Variants in NDE1 observed in about 807,000 individuals in gnomAD.
The protein encoded by NDE1 is nudE neurodevelopment protein 1.
A neutral mutation model predicts 43.4 loss-of-function variants in NDE1; 28 were observed. That is an observed-to-expected ratio of 0.65 (90% confidence interval 0.48 to 0.89). The LOEUF (loss-of-function observed/expected upper bound fraction) is 0.89. NDE1 is among the 40% of genes least tolerant of loss of function. NDE1 has a pLI of 0.00. For synonymous variants in NDE1, 184 were observed against 172.0 expected (o/e 1.07, Z -0.55); for missense variants, 441 against 434.1 (o/e 1.02, Z -0.14).
intron 8 of NDE1, chr16:15,703,872 G>T: frequency 7.4e-7 from 1 of 1,352,180 alleles, no homozygotes; most frequent in Non-Finnish European, 1.1e-6. Context: ...AATGGATTTA[G>T]ACAATGCTAA....
chr16:15,722,079 A>C (rs529342145), intron 8 of NDE1, among the ~76,000 whole-genome samples: 1 of 152,084 alleles, frequency 6.6e-6, no homozygotes, highest in African/African-American at 2.4e-5. Flanking sequence ...GCTGGTCTCG[A>C]ACTCCTGACC....
chr16:15,669,799 T>C (rs2037501670), intron 3 of NDE1, among the ~76,000 whole-genome samples: 1 of 152,196 alleles, frequency 6.6e-6, no homozygotes, highest in Admixed American at 6.5e-5. Context: ...CTGACCACAC[T>C]GTGGGATGTT....
intron 8 of NDE1, among the ~76,000 whole-genome samples, chr16:15,709,878 C>T (rs533201999): frequency 1.3e-5 from 2 of 152,182 alleles, no homozygotes; most frequent in Admixed American, 6.5e-5. Flanking sequence ...CAGCTCTTGC[C>T]GGAGGTAACT....
rs760386093 is a variant in NDE1 at position 15,667,448 on chromosome 16, C to A, written c.237+9C>A. The A allele has an allele frequency of 4.3e-6, 7 of 1,613,374 alleles. No individual in the cohort carries two copies. In the East Asian group the frequency reaches 1.3e-4, roughly 31 times the overall value. Reference sequence around the variant, plus strand: ...AGCTGGAAACCATCAAGGTGAGGGGCTGAGAGGAAGTGTGCTCAGGTGTAG... The same window carrying A: ...AGCTGGAAACCATCAAGGTGAGGGGATGAGAGGAAGTGTGCTCAGGTGTAG... On this transcript the variant is annotated intron_variant, in intron 3 of 8. Coordinates refer to ENST00000396354, the MANE Select transcript of NDE1 (RefSeq NM_017668.3).
intron 8 of NDE1, chr16:15,714,027 C>A (rs79551287): frequency 6.6e-6 from 1 of 152,248 alleles, no homozygotes; most frequent in African/African-American, 2.4e-5. Flanking sequence ...CTGGTTGGCC[C>A]GGTAGAAGCA....
At chr16:15,654,421 G>A (rs937929105) in intron 1 of NDE1, among the ~76,000 whole-genome samples, 13 of 151,608 alleles carry the variant, frequency 8.6e-5, no homozygotes, top group African/African-American at 1.9e-4. Flanking sequence ...CCAACGTGGC[G>A]AAACCCCGTC....
Position 15,667,395 on chromosome 16 carries a change from C to G in NDE1, c.193C>G (p.Leu65Val). The G allele has an allele frequency of 6.2e-7, 1 of 1,613,968 alleles. No homozygotes were observed. The highest frequency in any genetic ancestry group is 8.5e-7 in the Non-Finnish European group (1 of 1,179,918). ...AATTGAAACCAGGAACAGAGACCTC[C>G]TGTCCGAAAATAACCGCCTTCGCAT... The part of the protein sequence containing the change: ...QQIETRNRDL[L>V]SENNRLRMEL... The change falls in exon 3 of 9, where the codon CTG (leucine) becomes GTG (valine). Residue 65 changes from leucine (L) to valine (V), a missense_variant. Coordinates refer to ENST00000396354, the MANE Select transcript of NDE1 (RefSeq NM_017668.3).
intron 7 of NDE1, chr16:15,694,911 C>T (rs1372750543): frequency 4.1e-6 from 4 of 985,022 alleles, no homozygotes; most frequent in African/African-American, 3.5e-5. Flanking sequence ...GGTGCTCATA[C>T]CTGTAATCCC....
At chr16:15,707,167 T>C (rs1279737400) in intron 8 of NDE1, among the ~76,000 whole-genome samples, 1 of 152,128 alleles carries the variant, frequency 6.6e-6, no homozygotes, top group Non-Finnish European at 1.5e-5. Flanking sequence ...GCCTTCCAAG[T>C]AACTGGGACT....
At chr16:15,707,947 G>A (rs529770561) in intron 8 of NDE1, among the ~76,000 whole-genome samples, 10 of 135,254 alleles carry the variant, frequency 7.4e-5, no homozygotes, top group African/African-American at 1.1e-4. Context: ...ACTCCAGAGC[G>A]AGACTCCGTC....
At chr16:15,718,067 G>C in intron 8 of NDE1, 1 of 593,252 alleles carries the variant, frequency 1.7e-6, no homozygotes, top group Non-Finnish European at 3.0e-6. Flanking sequence ...ATGGCCGTGA[G>C]GTACGGGGAG....
intron 1 of NDE1, among the ~76,000 whole-genome samples, chr16:15,660,978 A>G (rs917136949): frequency 5.9e-5 from 9 of 152,084 alleles, no homozygotes; most frequent in Admixed American, 5.2e-4. Flanking sequence ...CACGAGGAAA[A>G]GAGAAAAACC....
chr16:15,704,188 T>C (rs2039329518), intron 8 of NDE1: 1 of 1,591,482 alleles, frequency 6.3e-7, no homozygotes, highest in Non-Finnish European at 8.6e-7. Flanking sequence ...AGATTTTTTA[T>C]AAATCTATTT....
intron 8 of NDE1, among the ~76,000 whole-genome samples, chr16:15,709,049 C>T (rs2039630668): frequency 6.6e-6 from 1 of 151,966 alleles, no homozygotes; most frequent in Non-Finnish European, 1.5e-5. Context: ...TTCAAGTGAT[C>T]CCCTTGTCTC....
chr16:15,720,689 C>T (rs1295756641), intron 8 of NDE1: 33 of 875,930 alleles, frequency 3.8e-5, no homozygotes, highest in South Asian at 7.4e-5. Flanking sequence ...GCTGAGATTA[C>T]GCCACTGCAC....
intron 1 of NDE1, 99 bp downstream of exon 1, chr16:15,650,393 C>T (rs867107305): frequency 5.5e-5 from 9 of 163,930 alleles, no homozygotes; most frequent in Middle Eastern, 3.1e-3. Context: ...ATCCCGGGAC[C>T]CCGGGCCACC....
At chr16:15,720,914 G>A in intron 8 of NDE1, 2 of 1,613,962 alleles carry the variant, frequency 1.2e-6, no homozygotes, top group Non-Finnish European at 1.7e-6. Flanking sequence ...ACTGGCCCTT[G>A]AGCGCCTGCA....
chr16:15,681,806 C>G (rs1053934783), intron 4 of NDE1, among the ~76,000 whole-genome samples: 2 of 152,096 alleles, frequency 1.3e-5, no homozygotes, highest in African/African-American at 4.8e-5. Flanking sequence ...TCCACCCTCC[C>G]AGGTTCAAGC....
Position 15,669,837 on chromosome 16 carries a change from A to G in NDE1, c.237+2398A>G, listed in dbSNP as rs145501399. ...GCAGCATCCCTGGCCTCCACCCTCT[A>G]GATGCCAGTAGCATTCCCCGCACCT... On this transcript the variant is annotated intron_variant, in intron 3 of 8. Coordinates refer to ENST00000396354, the MANE Select transcript of NDE1 (RefSeq NM_017668.3). 2.5e-3 allele frequency among the ~76,000 whole-genome samples: 388 copies of G among 152,268 alleles called. 5 individuals carry two copies. The highest frequency in any genetic ancestry group is 8.7e-3 in the African/African-American group (360 of 41,562).
Sources: allele counts gnomAD v4.1 joint callset (sites outside exome capture counted in the v4.1 genomes callset), GRCh38; gene constraint gnomAD v4.1.1; transcripts MANE v1.5; gene names NCBI Gene and HGNC (gene_info 2026-07-23, HGNC 2026-07-21).